TMEM140: variants seen among roughly 807,000 people sequenced by gnomAD.
The protein encoded by TMEM140 is transmembrane protein 140.
For synonymous variants in TMEM140, 107 were observed against 106.8 expected (o/e 1.00, Z -0.01); for missense variants, 236 against 228.5 (o/e 1.03, Z -0.21).
intron 1 of TMEM140, among the ~76,000 whole-genome samples, chr7:135,163,864 C>G (rs147935595): frequency 6.6e-6 from 1 of 152,294 alleles, no homozygotes; most frequent in Non-Finnish European, 1.5e-5. Context: ...TTCGAATGAG[C>G]TTCAGAGCTT....
In TMEM140 at chr7:135,164,647, A is replaced by G. The variant is rs771052953; in HGVS notation, c.206A>G (p.Glu69Gly). The change falls in exon 2 of 2, where the codon GAG (glutamate) becomes GGG (glycine). Residue 69 changes from glutamate (E) to glycine (G), a missense_variant. Transcript: ENST00000275767. ...TSTLQCHQFP[E>G]LEALGVPRVG... is the part of the protein sequence containing the mutation. ...ACCCTACAGTGTCACCAGTTCCCTG[A>G]GCTGGAAGCCCTGGGGGTGCCTCGG... The G allele has an allele frequency of 6.2e-7, 1 of 1,613,220 alleles. No individual in the cohort carries two copies. The highest frequency in any genetic ancestry group is 8.5e-7 in the Non-Finnish European group (1 of 1,179,162).
intron 1 of TMEM140, among the ~76,000 whole-genome samples, chr7:135,154,089 A>G (rs1049084121): frequency 1.3e-5 from 2 of 151,832 alleles, no homozygotes; most frequent in Non-Finnish European, 2.9e-5. Context: ...GGATGTATCT[A>G]TTTCCTCTAG....
intron 1 of TMEM140, among the ~76,000 whole-genome samples, chr7:135,156,884 C>G (rs907596485): frequency 5.3e-5 from 8 of 152,170 alleles, no homozygotes; most frequent in Admixed American, 4.6e-4. Flanking sequence ...GGGGGCTGGT[C>G]TTTCCCATGC....
intron 1 of TMEM140, among the ~76,000 whole-genome samples, chr7:135,153,753 T>C (rs1178326970): frequency 6.6e-6 from 1 of 152,248 alleles, no homozygotes; most frequent in African/African-American, 2.4e-5. Flanking sequence ...TAGTATTTTG[T>C]TGAGGATTTT....
rs902042328 is a variant in TMEM140, at chr7:135,161,793, C to T, written c.-24-2625C>T. Among the ~76,000 whole-genome samples, 5 of 152,356 alleles carry T rather than the reference C, an allele frequency of 3.3e-5. No individual in the cohort carries two copies. In the South Asian group the frequency reaches 8.3e-4, roughly 25 times the overall value. ...ACCTCCAGAGCCTTTGACAGTGCCA[C>T]CCAAGGCAGCAGCCAGGGCTTCTGC... is the stretch of plus-strand genomic sequence containing the variant. On this transcript the variant is annotated intron_variant, in intron 1 of 1. Transcript: ENST00000275767. The surrounding 1 kb of genome is among the most constrained non-coding windows in gnomAD (Gnocchi z 4.1).
Position 135,151,703 on chromosome 7 carries a change from G to A in TMEM140, c.-25+3433G>A, listed in dbSNP as rs1449415616. Among the ~76,000 whole-genome samples the A allele has an allele frequency of 1.3e-5, 2 of 152,202 alleles. No homozygotes were observed. The highest frequency in any genetic ancestry group is 4.8e-5 in the African/African-American group (2 of 41,440). ...GTGAACTTCCTTCAGTCTCACAACA[G>A]CCCATGAGGAACGTGACAACTGATG... On this transcript the variant is annotated intron_variant, in intron 1 of 1. Coordinates refer to ENST00000275767, the MANE Select transcript of TMEM140 (RefSeq NM_018295.5). The surrounding 1 kb of genome is among the most constrained non-coding windows in gnomAD (Gnocchi z 4.3).
At chr7:135,157,464 G>A (rs1187835009) in intron 1 of TMEM140, among the ~76,000 whole-genome samples, 1 of 152,236 alleles carries the variant, frequency 6.6e-6, no homozygotes, top group Non-Finnish European at 1.5e-5. Context: ...GGCAACAGTG[G>A]GGTAAGTGTG....
At position 135,164,882 on chromosome 7, in the gene TMEM140, G is replaced by A. The variant is rs199612642; in HGVS notation, c.441G>A (p.Pro147=). 129 of 1,614,152 alleles carry A rather than the reference G, an allele frequency of 8.0e-5. No homozygotes were observed. The Admixed American group carries it at 1.8e-3, about 22-fold the overall frequency. ...GGAAGTGGGTCAGGCTCTCCCTCCC[G>A]GGGCCTGGGTTTCTAGCTCTGGGCA... ...YVWKWVRLSL[P]GPGFLALGSA... is the part of the protein sequence containing the mutation. Residue 147 remains proline, a synonymous_variant, in exon 2 of 2, where the codon CCG becomes CCA. Coordinates refer to ENST00000275767, the MANE Select transcript of TMEM140 (RefSeq NM_018295.5).
Position 135,161,016 on chromosome 7 carries a change from A to C in TMEM140, c.-24-3402A>C, listed in dbSNP as rs1829922474. Among the ~76,000 whole-genome samples the C allele has an allele frequency of 2.6e-5, 4 of 152,210 alleles. No homozygotes were observed. The highest frequency in any genetic ancestry group is 9.6e-5 in the African/African-American group (4 of 41,456). On this transcript the variant is annotated intron_variant, in intron 1 of 1. Transcript: ENST00000275767. This position sits in a 1 kb window ranked among gnomAD's most constrained non-coding sequence, Gnocchi z 4.1. ...AGCTGAGCAGGTGCTGGACTGCACA[A>C]GGCAAGAGGGGAAGCTGGGCCTCAC...
intron 1 of TMEM140, 91 bp downstream of exon 1, chr7:135,148,361 T>C: frequency 3.0e-6 from 1 of 335,508 alleles, no homozygotes; most frequent in Non-Finnish European, 5.8e-6. Context: ...TTTCATGTTC[T>C]GGCAATCCAC....
chr7:135,161,677 T>G lies in TMEM140; in HGVS notation c.-24-2741T>G, dbSNP rs558624376. 6.6e-6 allele frequency among the ~76,000 whole-genome samples: 1 copy of G among 152,196 alleles called. No individual in the cohort carries two copies. The highest frequency in any genetic ancestry group is 1.5e-5 in the Non-Finnish European group (1 of 68,040). The stretch of plus-strand genomic sequence containing the variant: ...CCCAGACTAATGCCACCTTTTCAAT[T>G]CCCAATAATTCCTTCCGTAACAAGC... On this transcript the variant is annotated intron_variant, in intron 1 of 1. Coordinates refer to ENST00000275767, the MANE Select transcript of TMEM140 (RefSeq NM_018295.5). This position sits in a 1 kb window ranked among gnomAD's most constrained non-coding sequence, Gnocchi z 4.1.
intron 1 of TMEM140, among the ~76,000 whole-genome samples, chr7:135,156,845 G>A (rs1226173616): frequency 1.3e-5 from 2 of 152,144 alleles, no homozygotes; most frequent in East Asian, 3.9e-4. Flanking sequence ...TGTTGTGAGA[G>A]GGGACGCCAG....
intron 1 of TMEM140, among the ~76,000 whole-genome samples, chr7:135,163,009 T>C (rs1373216708): frequency 6.6e-6 from 1 of 152,262 alleles, no homozygotes; most frequent in African/African-American, 2.4e-5. Flanking sequence ...CTACCCTTGA[T>C]CCAATGATTG....
intron 1 of TMEM140, among the ~76,000 whole-genome samples, chr7:135,155,557 C>T (rs997731140): frequency 3.9e-5 from 6 of 152,110 alleles, no homozygotes; most frequent in African/African-American, 9.7e-5. Flanking sequence ...GGCTGGGCAT[C>T]GTGGCTCATG....
chr7:135,153,548 G>A (rs1353802807), intron 1 of TMEM140, among the ~76,000 whole-genome samples: 1 of 152,076 alleles, frequency 6.6e-6, no homozygotes, highest in Non-Finnish European at 1.5e-5. Context: ...CATTGTTGGT[G>A]GGAATGTAAA....
In TMEM140 at chr7:135,165,122, G is replaced by C; in HGVS notation, c.*123G>C. 1.6e-6 allele frequency: 2 copies of C among 1,286,602 alleles called. No homozygotes were observed. The highest frequency in any genetic ancestry group is 1.5e-5 in the African/African-American group (1 of 66,722). 79.7% of individuals were successfully genotyped at this position (1,286,602 alleles called of 1,614,324 possible). A position where few individuals can be genotyped will look rare whatever the true frequency, so the allele number is the denominator to read the frequency against. On this transcript the variant is annotated 3_prime_UTR_variant, in exon 2 of 2. Transcript: ENST00000275767. The stretch of plus-strand genomic sequence containing the variant: ...CAGCGATGGAACCCACTACAGAGGA[G>C]GTGGGGCCCCTGTGTCAAAGAGGCC...
rs1647818 is a variant in TMEM140 at position 135,165,713 on chromosome 7, C to T, written c.*714C>T. The T allele has an allele frequency of 0.94, 156,464 of 167,064 alleles. 74,094 individuals carry two copies. Among genetic ancestry groups the T allele is most frequent in the Non-Finnish European group, 1 (68,009 of 68,110 alleles). 10.3% of individuals were successfully genotyped at this position (167,064 alleles called of 1,614,324 possible). On this transcript the variant is annotated 3_prime_UTR_variant, in exon 2 of 2. Coordinates refer to ENST00000275767, the MANE Select transcript of TMEM140 (RefSeq NM_018295.5). ...CCTCGCTGTGAACAGGACTGGACGG[C>T]TGCACACAAACAAACGCTGCCACCC...
chr7:135,155,777 C>T (rs542219550), intron 1 of TMEM140, among the ~76,000 whole-genome samples: 33 of 152,296 alleles, frequency 2.2e-4, no homozygotes, highest in Admixed American at 6.5e-4. Context: ...CTTGAGCCCA[C>T]GAGGTCAAGG....
intron 1 of TMEM140, among the ~76,000 whole-genome samples, chr7:135,155,203 C>T (rs1224028487): frequency 3.9e-5 from 6 of 152,150 alleles, no homozygotes; most frequent in Admixed American, 1.3e-4. Flanking sequence ...TTTTCCACCC[C>T]TTTGTTTTCA....
Sources: gnomAD v4.1 joint callset for allele counts (sites outside exome capture counted in the v4.1 genomes callset) on GRCh38, gnomAD v4.1.1 for gene constraint, Gnocchi (gnomAD v3.1) non-coding constraint, MANE v1.5 for transcripts, NCBI Gene and HGNC (gene_info 2026-07-23, HGNC 2026-07-21) for gene names.